TTC7A: variants seen among roughly 807,000 people sequenced by gnomAD.
The protein encoded by TTC7A is tetratricopeptide repeat domain 7A.
In TTC7A, 110 loss-of-function variants were observed where a neutral mutation model predicts 103.7. The ratio of observed to expected loss-of-function variants is 1.06; its 90% CI spans 0.91 to 1.24. The LOEUF is 1.24. Among genes scored for constraint, TTC7A ranks in the 50% most tolerant of loss-of-function variants. TTC7A has a pLI of 0.00. For synonymous variants in TTC7A, 521 were observed against 467.9 expected (o/e 1.11, Z -1.47); for missense variants, 1,340 against 1,116.3 (o/e 1.20, Z -2.86).
intron 8 of TTC7A, among the ~76,000 whole-genome samples, chr2:47,004,007 G>A (rs952724319): frequency 3.3e-5 from 5 of 152,202 alleles, no homozygotes; most frequent in African/African-American, 4.8e-5. Context: ...CTGTGTGGGT[G>A]GACTTCACTG....
intron 13 of TTC7A, 76 bp downstream of exon 13, chr2:47,023,541 C>G (rs574838866): frequency 1.1e-5 from 16 of 1,412,902 alleles, no homozygotes; most frequent in East Asian, 6.8e-5. Context: ...GTCATCAGAC[C>G]CTCTGATGTG....
rs776614214 is a variant in TTC7A, at chr2:47,060,912, C to G, written c.2296C>G (p.Gln766Glu). 1 of 1,614,064 alleles carries G rather than the reference C, an allele frequency of 6.2e-7. No homozygotes were observed. The highest frequency in any genetic ancestry group is 8.5e-7 in the Non-Finnish European group (1 of 1,180,018). Residue 766 changes from glutamine to glutamate, a missense_variant, in exon 19 of 20, where the codon CAG becomes GAG. Physicochemically the swap from Gln to Glu is conservative, Grantham distance 29 (BLOSUM62 2). Coordinates refer to ENST00000319190, the MANE Select transcript of TTC7A (RefSeq NM_020458.4). ...GAAGGGCAACCTGGAGGAGGCCAAG[C>G]AGCTGTACAAGGAGGCGCTCACGGT... Reference protein sequence around the residue: ...EVKGNLEEAKQLYKEALTVNP... With the variant: ...EVKGNLEEAKELYKEALTVNP...
intron 3 of TTC7A, among the ~76,000 whole-genome samples, chr2:46,958,063 G>C (rs768794943): frequency 2.6e-5 from 4 of 152,270 alleles, no homozygotes; most frequent in Non-Finnish European, 4.4e-5. Context: ...TGGAGTGTGA[G>C]TCCTCCAAGG....
intron 3 of TTC7A, among the ~76,000 whole-genome samples, chr2:46,971,125 C>T (rs980791303): frequency 2.6e-5 from 4 of 152,154 alleles, no homozygotes; most frequent in African/African-American, 9.7e-5. Context: ...CTACTGTGTG[C>T]CAGGTGGTAG....
At chr2:47,015,293 G>T (rs1451032728) in intron 11 of TTC7A, among the ~76,000 whole-genome samples, 1 of 152,216 alleles carries the variant, frequency 6.6e-6, no homozygotes, top group East Asian at 1.9e-4. Context: ...AACTTAAAAA[G>T]TTGAAACCTT....
At chr2:46,928,457 A>AT (rs201668321) in intron 2 of TTC7A, among the ~76,000 whole-genome samples, 77 of 133,326 alleles carry the variant, frequency 5.8e-4, no homozygotes, top group Non-Finnish European at 5.3e-4. Flanking sequence ...GGAAAGGGAA[A>AT]TTAAAAAAAA....
chr2:46,995,831 C>T (rs761084904), intron 8 of TTC7A, among the ~76,000 whole-genome samples: 2 of 152,204 alleles, frequency 1.3e-5, no homozygotes, highest in Admixed American at 6.5e-5. Context: ...TCCTTTCCCT[C>T]GTGGAGCTTA....
At chr2:46,917,250 C>G (rs1251724744) in exon 2 of TTC7A, 1 of 695,440 alleles carries the variant, frequency 1.4e-6, no homozygotes. Flanking sequence ...CCACCACCTC[C>G]GCCTCCCAAA....
chr2:47,068,765 G>A (rs1213640275), intron 19 of TTC7A, among the ~76,000 whole-genome samples: 4 of 148,610 alleles, frequency 2.7e-5, no homozygotes, highest in African/African-American at 9.9e-5. Flanking sequence ...GGCTCCTGAA[G>A]TCCATCACCA....
chr2:47,071,427 T>C (rs1684699192), intron 19 of TTC7A, among the ~76,000 whole-genome samples: 1 of 151,978 alleles, frequency 6.6e-6, no homozygotes, highest in African/African-American at 2.4e-5. Flanking sequence ...CTCCACCCGC[T>C]CCCCACCTGG....
Position 47,021,849 on chromosome 2 carries a change from C to G in TTC7A, c.1393-13C>G, listed in dbSNP as rs1312421963. 2 of 1,606,984 alleles carry G rather than the reference C, an allele frequency of 1.2e-6. No individual in the cohort carries two copies. Among genetic ancestry groups the G allele is most frequent in the Non-Finnish European group, 1.7e-6 (2 of 1,173,490 alleles). ...AACCCCACCTCCATGACCTCTGTCT[C>G]TCCTCTTTGCAGCTAGAGGAAGCAG... On this transcript the variant is annotated splice_polypyrimidine_tract_variant and intron_variant, in intron 11 of 19. Coordinates refer to ENST00000319190, the MANE Select transcript of TTC7A (RefSeq NM_020458.4).
chr2:47,024,257 C>A, intron 13 of TTC7A, 30 bp from the exon 14 acceptor site: 1 of 1,571,466 alleles, frequency 6.4e-7, no homozygotes, highest in South Asian at 1.2e-5. Context: ...ACCCCTGGTG[C>A]CTGACTTGTC....
intron 1 of TTC7A, among the ~76,000 whole-genome samples, chr2:46,948,328 C>T (rs1027645527): frequency 6.6e-6 from 1 of 152,184 alleles, no homozygotes; most frequent in African/African-American, 2.4e-5. Flanking sequence ...GTGGCTCTGA[C>T]TGACTGGATC....
chr2:47,072,594 G>A (rs1267687690), intron 19 of TTC7A, among the ~76,000 whole-genome samples: 1 of 152,208 alleles, frequency 6.6e-6, no homozygotes, highest in African/African-American at 2.4e-5. Flanking sequence ...GCCGTCAGTG[G>A]GCGGGCACCG....
intron 15 of TTC7A, among the ~76,000 whole-genome samples, chr2:47,041,695 G>A (rs1405148761): frequency 4.6e-5 from 7 of 151,302 alleles, no homozygotes; most frequent in African/African-American, 1.7e-4. Flanking sequence ...AGAGGTTGCG[G>A]TGAGCCAAGA....
At chr2:47,062,224 C>G (rs1558643109) in intron 19 of TTC7A, among the ~76,000 whole-genome samples, 1 of 152,184 alleles carries the variant, frequency 6.6e-6, no homozygotes, top group Non-Finnish European at 1.5e-5. Flanking sequence ...TGGGGAGGAG[C>G]CAGACCAGGT....
intron 2 of TTC7A, among the ~76,000 whole-genome samples, chr2:46,952,461 A>G (rs1168926628): frequency 6.6e-6 from 1 of 152,384 alleles, no homozygotes; most frequent in East Asian, 1.9e-4. Flanking sequence ...TGAGTGATAA[A>G]TAAAAGTCCC....
intron 8 of TTC7A, among the ~76,000 whole-genome samples, chr2:46,997,300 C>T (rs936266010): frequency 3.3e-5 from 5 of 152,000 alleles, no homozygotes; most frequent in African/African-American, 1.2e-4. Context: ...TATTTTGTGG[C>T]CTTTGTGTAC....
intron 2 of TTC7A, among the ~76,000 whole-genome samples, chr2:46,921,901 G>A (rs1446563814): frequency 2.0e-5 from 3 of 152,118 alleles, no homozygotes; most frequent in Non-Finnish European, 4.4e-5. Flanking sequence ...GCTCAGGTTG[G>A]TAATGCTCAC....
Sources: gnomAD v4.1 joint callset for allele counts (sites outside exome capture counted in the v4.1 genomes callset) on GRCh38, gnomAD v4.1.1 for gene constraint, MANE v1.5 for transcripts, NCBI Gene and HGNC (gene_info 2026-07-23, HGNC 2026-07-21) for gene names.